The following TGFA variants were observed in gnomAD, a reference collection of about 807,000 sequenced individuals.
The protein encoded by TGFA is transforming growth factor alpha.
Under a neutral mutation model 21.7 loss-of-function variants are expected in TGFA, and 12 were observed. The observed-to-expected ratio is 0.55, with a 90% CI of 0.35 to 0.90. The LOEUF is 0.90. Among genes scored for constraint, TGFA ranks in the 40% least tolerant of loss-of-function variants. The pLI is 0.01. For missense variants in TGFA, 178 were observed against 210.8 expected (o/e 0.84, Z 0.96); for synonymous variants, 79 against 88.1 (o/e 0.90, Z 0.58).
chr2:70,457,183 CAG>C lies in TGFA; in HGVS notation c.216-697_216-696del, dbSNP rs1296302337. Among the ~76,000 whole-genome samples, 5 of 152,304 alleles carry C rather than the reference CAG, an allele frequency of 3.3e-5. No homozygotes were observed. The East Asian group carries it at 7.7e-4, about 24-fold the overall frequency. ...TGTAATTCCTGGTATTGCTACCATT[CAG>C]AGTCAGTCCTGGGCATCAAGATTTT... On this transcript the variant is annotated intron_variant, in intron 3 of 5. Transcript: ENST00000295400.
At chr2:70,524,121 A>T (rs1672560499) in intron 1 of TGFA, among the ~76,000 whole-genome samples, 1 of 152,124 alleles carries the variant, frequency 6.6e-6, no homozygotes, top group South Asian at 2.1e-4. Context: ...ATTCTCCCCA[A>T]CATGTTACCC....
intron 2 of TGFA, among the ~76,000 whole-genome samples, chr2:70,479,456 T>C (rs930737780): frequency 3.3e-5 from 5 of 152,354 alleles, no homozygotes; most frequent in African/African-American, 1.2e-4. Context: ...TCAGTGCTTA[T>C]AAGACCTTTT....
chr2:70,540,838 C>T (rs1386155572), intron 1 of TGFA, among the ~76,000 whole-genome samples: 3 of 152,038 alleles, frequency 2.0e-5, no homozygotes, highest in Non-Finnish European at 4.4e-5. Context: ...CAAAACAGGG[C>T]CTAAGGATAC....
Position 70,450,804 on chromosome 2 carries a change from C to T in TGFA, c.*55G>A. On this transcript the variant is annotated 3_prime_UTR_variant, in exon 6 of 6. Transcript: ENST00000295400. ...CTCTGGCAGTGCTGTCCTGAAGAAG[C>T]CTTTCTTTATTGATCTGCCACAGTC... 6 of 1,597,158 alleles carry T rather than the reference C, an allele frequency of 3.8e-6. No homozygotes were observed. Among genetic ancestry groups the T allele is most frequent in the Non-Finnish European group, 5.1e-6 (6 of 1,169,606 alleles).
chr2:70,537,337 C>CT (rs1553504591), intron 1 of TGFA, among the ~76,000 whole-genome samples: 2 of 152,188 alleles, frequency 1.3e-5, no homozygotes, highest in African/African-American at 4.8e-5. Flanking sequence ...CTACAATGGC[C>CT]TCTCAGTTTT....
intron 1 of TGFA, among the ~76,000 whole-genome samples, chr2:70,529,079 A>G (rs1389619298): frequency 2.0e-5 from 3 of 152,162 alleles, no homozygotes; most frequent in African/African-American, 4.8e-5. Context: ...CTGACATTTT[A>G]TGGTATGTAT....
intron 1 of TGFA, among the ~76,000 whole-genome samples, chr2:70,517,546 G>A (rs1672323465): frequency 6.6e-6 from 1 of 152,184 alleles, no homozygotes; most frequent in Non-Finnish European, 1.5e-5. Flanking sequence ...TGACATAGGT[G>A]CCTCCCAACC....
At chr2:70,483,045 A>G (rs899760696) in intron 2 of TGFA, among the ~76,000 whole-genome samples, 8 of 152,196 alleles carry the variant, frequency 5.3e-5, no homozygotes, top group Admixed American at 1.3e-4. Context: ...CCTTCTCACC[A>G]ACTAGCCAAC....
intron 1 of TGFA, among the ~76,000 whole-genome samples, chr2:70,516,001 G>A (rs184492158): frequency 1.2e-3 from 189 of 152,322 alleles, no homozygotes; most frequent in African/African-American, 4.4e-3. Context: ...TATACAGGTT[G>A]CATGCCCATA....
rs190906417 is a variant in TGFA, at chr2:70,551,416, C to T, written c.40+2312G>A. ...AAAACATTAATCAATGCTCAGGTTC[C>T]AAGTAATCAAACATTAACCGAGACT... On this transcript the variant is annotated intron_variant, in intron 1 of 5. Transcript: ENST00000295400. Among the ~76,000 whole-genome samples, 226 of 152,286 alleles carry T rather than the reference C, an allele frequency of 1.5e-3. 1 individual carries two copies. The highest frequency in any genetic ancestry group is 5.2e-3 in the African/African-American group (215 of 41,562).
chr2:70,475,403 G>A (rs942606784), intron 2 of TGFA, among the ~76,000 whole-genome samples: 2 of 152,200 alleles, frequency 1.3e-5, no homozygotes, highest in South Asian at 4.1e-4. Context: ...GGGGGTTAAA[G>A]TTGTTCAATG....
chr2:70,472,531 C>A (rs1670786239), intron 2 of TGFA, among the ~76,000 whole-genome samples: 1 of 152,178 alleles, frequency 6.6e-6, no homozygotes, highest in African/African-American at 2.4e-5. Flanking sequence ...GGAAGAGGGT[C>A]TGGAATAGCA....
intron 2 of TGFA, among the ~76,000 whole-genome samples, chr2:70,501,849 T>G (rs112390303): frequency 4.4e-4 from 67 of 152,340 alleles, no homozygotes; most frequent in South Asian, 3.9e-3. Flanking sequence ...GATCATCACC[T>G]CTCCCTGAAC....
chr2:70,451,339 C>T (rs940611099), intron 5 of TGFA, among the ~76,000 whole-genome samples: 1 of 152,328 alleles, frequency 6.6e-6, no homozygotes, highest in East Asian at 1.9e-4. Context: ...GCAGCATGGA[C>T]CGTCCTCAGT....
At chr2:70,451,653 G>T in intron 5 of TGFA, 1 of 660,068 alleles carries the variant, frequency 1.5e-6, no homozygotes, top group South Asian at 1.7e-5. Context: ...AAATGCTACA[G>T]AATCTATTAC....
intron 1 of TGFA, among the ~76,000 whole-genome samples, chr2:70,526,724 C>T (rs1553503038): frequency 6.6e-6 from 1 of 152,034 alleles, no homozygotes; most frequent in Non-Finnish European, 1.5e-5. Context: ...GTCCATTTTC[C>T]CCTTTAACTT....
At chr2:70,494,593 C>T (rs558438397) in intron 2 of TGFA, among the ~76,000 whole-genome samples, 1 of 152,204 alleles carries the variant, frequency 6.6e-6, no homozygotes, top group Non-Finnish European at 1.5e-5. Context: ...CCAAATGGCT[C>T]TCATAAATGT....
chr2:70,521,515 G>A (rs1427392643), intron 1 of TGFA, among the ~76,000 whole-genome samples: 8 of 151,890 alleles, frequency 5.3e-5, no homozygotes, highest in Non-Finnish European at 7.4e-5. Context: ...GAGATTAAAC[G>A]AGAGACACAT....
At position 70,521,609 on chromosome 2, in the gene TGFA, G is replaced by GTTGGTTT. The variant is rs1432347684; in HGVS notation, c.41-6698_41-6697insAAACCAA. Reference sequence around the variant, plus strand: ...ACTATTGATAGTTTTTTTTGTTGTTGTTTGTTTGTTTTTTTTTTTTTTTTT... The same window carrying GTTGGTTT: ...ACTATTGATAGTTTTTTTTGTTGTTGTTGGTTTTTTGTTTGTTTTTTTTTTTTTTTTT... On this transcript the variant is annotated intron_variant, in intron 1 of 5. Coordinates refer to ENST00000295400, the MANE Select transcript of TGFA (RefSeq NM_003236.4). Among the ~76,000 whole-genome samples the GTTGGTTT allele has an allele frequency of 3.3e-4, 26 of 78,862 alleles. 1 individual carries two copies. Among genetic ancestry groups the GTTGGTTT allele is most frequent in the African/African-American group, 1.2e-3 (25 of 20,162 alleles). 51.7% of individuals were successfully genotyped at this position (78,862 alleles called of 152,430 possible).
Sources: allele counts gnomAD v4.1 joint callset (sites outside exome capture counted in the v4.1 genomes callset), GRCh38; gene constraint gnomAD v4.1.1; transcripts MANE v1.5; gene names NCBI Gene and HGNC (gene_info 2026-07-23, HGNC 2026-07-21).